Variants in AFAP1L2 observed in about 807,000 individuals in gnomAD.
AFAP1L2 encodes actin filament associated protein 1 like 2, also known as actin filament-associated protein 1-like 2.
A neutral mutation model predicts 99.3 loss-of-function variants in AFAP1L2; 46 were observed. The observed-to-expected ratio is 0.46, with a 90% CI of 0.37 to 0.59. The LOEUF (loss-of-function observed/expected upper bound fraction) is 0.59, where lower values mean the gene tolerates loss of function less well. AFAP1L2 is among the 20% of genes least tolerant of loss of function. The pLI is 0.00. For synonymous variants in AFAP1L2, 397 were observed against 419.1 expected (o/e 0.95, Z 0.64); for missense variants, 959 against 1,034.9 (o/e 0.93, Z 1.01).
intron 5 of AFAP1L2, among the ~76,000 whole-genome samples, chr10:114,318,122 T>G (rs2044438787): frequency 1.3e-5 from 2 of 152,206 alleles, no homozygotes; most frequent in East Asian, 3.8e-4. Context: ...AAGCTCAAAA[T>G]AGTTGATTTG....
Position 114,333,226 on chromosome 10 carries a change from C to T in AFAP1L2, c.215G>A (p.Gly72Asp). The T allele has an allele frequency of 4.3e-6, 7 of 1,613,206 alleles. No individual in the cohort carries two copies. The highest frequency in any genetic ancestry group is 5.9e-6 in the Non-Finnish European group (7 of 1,179,642). ...INKQQNAESQ[G>D]KAPEEQGLLP... is the part of the protein sequence containing the mutation. ...CAGTGATCCCAGCCTCATACCTTTG[C>T]CTTGAGACTCTGCATTCTGTTGCTT... The change falls in exon 3 of 19, where the codon GGC becomes GAC. Residue 72 changes from glycine to aspartate, a missense_variant. By Grantham distance (94) the Gly-to-Asp change is moderately conservative. This residue lies in a region of AFAP1L2 where 383 missense variants were observed against 472.8 expected (regional missense o/e 0.81). Transcript: ENST00000304129.
chr10:114,366,120 T>C (rs1177255628), intron 1 of AFAP1L2, among the ~76,000 whole-genome samples: 6 of 152,184 alleles, frequency 3.9e-5, no homozygotes, highest in Admixed American at 3.9e-4. Flanking sequence ...GTAAGTGTGT[T>C]CCTAAGATAA....
intron 1 of AFAP1L2, among the ~76,000 whole-genome samples, chr10:114,365,062 T>C (rs1029785977): frequency 1.3e-5 from 2 of 152,342 alleles, no homozygotes; most frequent in African/African-American, 4.8e-5. Flanking sequence ...GTAAGTCATA[T>C]GCAGCCAAGG....
Position 114,295,472 on chromosome 10 carries a change from GT to G in AFAP1L2, c.*569del. The stretch of plus-strand genomic sequence containing the variant: ...CCCATTATTGTTTCTCAAAACTCAT[GT>G]CATAGATGGTTTTACAGATGATGGT... On this transcript the variant is annotated 3_prime_UTR_variant, in exon 19 of 19. Transcript: ENST00000304129. 1.0e-6 allele frequency: 1 copy of G among 985,500 alleles called. No individual in the cohort carries two copies. The highest frequency in any genetic ancestry group is 1.2e-6 in the Non-Finnish European group (1 of 829,900). 61.0% of individuals were successfully genotyped at this position (985,500 alleles called of 1,614,324 possible).
chr10:114,308,321 T>G, intron 9 of AFAP1L2, 112 bp downstream of exon 9: 2 of 901,044 alleles, frequency 2.2e-6, no homozygotes. Flanking sequence ...TCCGAGTGGT[T>G]TATTAATAGG....
intron 1 of AFAP1L2, among the ~76,000 whole-genome samples, chr10:114,357,549 T>C (rs571521716): frequency 6.6e-6 from 1 of 152,342 alleles, no homozygotes; most frequent in South Asian, 2.1e-4. Flanking sequence ...ATGTTGGATA[T>C]GCAATATGGA....
chr10:114,373,306 C>T (rs555280847), intron 1 of AFAP1L2, among the ~76,000 whole-genome samples: 11 of 152,038 alleles, frequency 7.2e-5, no homozygotes, highest in Non-Finnish European at 1.3e-4. Flanking sequence ...TGCATGTCAA[C>T]GAGGAAAATC....
intron 1 of AFAP1L2, chr10:114,398,818 T>C: frequency 1.5e-6 from 2 of 1,304,092 alleles, no homozygotes; most frequent in Non-Finnish European, 2.0e-6. Flanking sequence ...CCAGGTGAGC[T>C]GCTGCAGAGG....
chr10:114,337,941 G>A (rs138788988), intron 2 of AFAP1L2, among the ~76,000 whole-genome samples: 6 of 152,206 alleles, frequency 3.9e-5, no homozygotes, highest in African/African-American at 4.8e-5. Flanking sequence ...GTGTTCCCAC[G>A]ATGGGCTGCT....
At chr10:114,301,257 T>C (rs1228863291) in intron 13 of AFAP1L2, 97 bp downstream of exon 13, 3 of 1,022,666 alleles carry the variant, frequency 2.9e-6, no homozygotes, top group African/African-American at 3.2e-5. Flanking sequence ...ACTCATCTCA[T>C]CTCAGGGATA....
chr10:114,291,335 C>T, downstream of AFAP1L2: 1 of 1,389,478 alleles, frequency 7.2e-7, no homozygotes, highest in Non-Finnish European at 9.6e-7. Flanking sequence ...TCTGGAATGT[C>T]TGTGCCCCAG....
chr10:114,400,608 G>A (rs894592499), intron 1 of AFAP1L2, among the ~76,000 whole-genome samples: 1 of 152,150 alleles, frequency 6.6e-6, no homozygotes, highest in African/African-American at 2.4e-5. Flanking sequence ...GTATCGGGGG[G>A]GCATCCCTTT....
chr10:114,291,108 G>C (rs973871838), downstream of AFAP1L2: 1 of 1,262,702 alleles, frequency 7.9e-7, no homozygotes, highest in African/African-American at 1.5e-5. Flanking sequence ...TGCTGGGGGC[G>C]AGGTGGGTTG....
intron 2 of AFAP1L2, among the ~76,000 whole-genome samples, chr10:114,339,401 C>A (rs1412797421): frequency 6.6e-6 from 1 of 152,112 alleles, no homozygotes; most frequent in Non-Finnish European, 1.5e-5. Flanking sequence ...GAGCGGAGAT[C>A]GCGCCACAAC....
chr10:114,397,591 C>A (rs541828537), intron 1 of AFAP1L2, among the ~76,000 whole-genome samples: 4 of 152,246 alleles, frequency 2.6e-5, no homozygotes, highest in African/African-American at 9.6e-5. Context: ...TTGCCCAGGA[C>A]TAAGGGGATT....
At chr10:114,314,106 T>A in intron 6 of AFAP1L2, 56 bp from the exon 7 acceptor site, 1 of 1,554,820 alleles carries the variant, frequency 6.4e-7, no homozygotes, top group Non-Finnish European at 8.8e-7. Flanking sequence ...GCGGAGGTGA[T>A]GTCTGCAAAG....
At chr10:114,401,968 C>T (rs2058272389) in intron 1 of AFAP1L2, among the ~76,000 whole-genome samples, 1 of 152,160 alleles carries the variant, frequency 6.6e-6, no homozygotes. Flanking sequence ...GCATTTCCAC[C>T]TACCTGAGAG....
chr10:114,340,130 A>G (rs941015316), intron 2 of AFAP1L2, among the ~76,000 whole-genome samples: 4 of 150,464 alleles, frequency 2.7e-5, no homozygotes, highest in Non-Finnish European at 5.9e-5. Flanking sequence ...CCAGGAGCTC[A>G]AGACCAGCCT....
intron 2 of AFAP1L2, among the ~76,000 whole-genome samples, chr10:114,334,657 G>A (rs1366373323): frequency 3.9e-5 from 6 of 152,250 alleles, no homozygotes; most frequent in African/African-American, 1.4e-4. Context: ...CCCTGTGCCA[G>A]GGACTGCAGC....
Sources: gnomAD v4.1 joint callset for allele counts (sites outside exome capture counted in the v4.1 genomes callset) on GRCh38, gnomAD v4.1.1 for gene constraint, gnomAD v4.1.1 regional missense constraint, MANE v1.5 for transcripts, NCBI Gene and HGNC (gene_info 2026-07-23, HGNC 2026-07-21) for gene names.